The following CRYL1 variants were observed in gnomAD, a reference collection of about 807,000 sequenced individuals.
CRYL1 encodes the protein crystallin lambda 1.
In CRYL1, 29 loss-of-function variants were observed where a neutral mutation model predicts 36.6. The ratio of observed to expected loss-of-function variants is 0.79; its 90% CI spans 0.59 to 1.08. The LOEUF is 1.08. Ranked by LOEUF, CRYL1 falls within the 50% of genes least tolerant of loss-of-function variation. The pLI is 0.00. For missense variants in CRYL1, 411 were observed against 407.9 expected, an observed-to-expected ratio of 1.01 and a Z score of -0.06; for synonymous variants, 152 against 151.5, an observed-to-expected ratio of 1.00 and a Z score of -0.02.
At chr13:20,476,314 C>T (rs1195998691) in intron 3 of CRYL1, among the ~76,000 whole-genome samples, 1 of 149,578 alleles carries the variant, frequency 6.7e-6, no homozygotes, top group Non-Finnish European at 1.5e-5. Flanking sequence ...AAGATCGCGC[C>T]ACTGCACTAC....
At chr13:20,495,220 C>T (rs1032679094) in intron 2 of CRYL1, among the ~76,000 whole-genome samples, 2 of 152,156 alleles carry the variant, frequency 1.3e-5, no homozygotes, top group Non-Finnish European at 2.9e-5. Flanking sequence ...TTTTCAAATG[C>T]CACACACATA....
At chr13:20,498,309 C>A (rs1406698422) in intron 2 of CRYL1, among the ~76,000 whole-genome samples, 2 of 151,664 alleles carry the variant, frequency 1.3e-5, no homozygotes, top group Non-Finnish European at 2.9e-5. Context: ...TACACACACT[C>A]CATATACACA....
At chr13:20,522,911 CTT>C (rs386378385) in intron 1 of CRYL1, among the ~76,000 whole-genome samples, 51 of 82,946 alleles carry the variant, frequency 6.1e-4, no homozygotes, top group African/African-American at 2.2e-3. Context: ...CCCATTTCTA[CTT>C]TTTTTTTTTT....
chr13:20,412,885 C>A (rs1453052463), intron 6 of CRYL1, among the ~76,000 whole-genome samples: 2 of 152,174 alleles, frequency 1.3e-5, no homozygotes, highest in African/African-American at 4.8e-5. Context: ...AAGAGATATC[C>A]AGCAGAGGTC....
chr13:20,421,785 CATTTATTTATTT>C (rs10624463), intron 5 of CRYL1, among the ~76,000 whole-genome samples: 2 of 149,486 alleles, frequency 1.3e-5, no homozygotes, highest in Non-Finnish European at 3.0e-5. Context: ...ACAGCATTTT[CATTTATTTATTT>C]ATTTATTTAT....
At chr13:20,431,250 G>C in intron 5 of CRYL1, 1 of 985,414 alleles carries the variant, frequency 1.0e-6, no homozygotes, top group Non-Finnish European at 1.2e-6. Context: ...GTGTCCATGC[G>C]AGTCCAAACA....
chr13:20,404,090 G>T lies in CRYL1; in HGVS notation c.*39C>A. On this transcript the variant is annotated 3_prime_UTR_variant, in exon 8 of 8. Coordinates refer to ENST00000298248, the MANE Select transcript of CRYL1 (RefSeq NM_015974.3). ...AGGGCTTGCAGTGTTCCCAAATAGG[G>T]CCTCCAATGAGAGGAGTGGAAGCTG... The T allele has an allele frequency of 7.2e-7, 1 of 1,384,294 alleles. No individual in the cohort carries two copies. Among genetic ancestry groups the T allele is most frequent in the South Asian group, 1.2e-5 (1 of 86,200 alleles). The allele number at this position is 1,384,294 out of a possible 1,614,324, so 85.8% of individuals were successfully genotyped here.
chr13:20,468,755 A>G (rs2032994203), intron 3 of CRYL1, among the ~76,000 whole-genome samples: 1 of 152,128 alleles, frequency 6.6e-6, no homozygotes, highest in Admixed American at 6.5e-5. Flanking sequence ...ACAGGCATAT[A>G]CCGCCATGCC....
chr13:20,483,778 T>C lies in CRYL1; in HGVS notation c.276+5592A>G, dbSNP rs374840666. ...TTGGTCTCGAACTCCTGAGCTCAAG[T>C]AATCCACCCGCTGTGGCCTCCCCAT... On this transcript the variant is annotated intron_variant, in intron 3 of 7. Coordinates refer to ENST00000298248, the MANE Select transcript of CRYL1 (RefSeq NM_015974.3). 1.3e-3 allele frequency among the ~76,000 whole-genome samples: 200 copies of C among 152,188 alleles called. 3 individuals carry two copies. Among genetic ancestry groups the C allele is most frequent in the African/African-American group, 4.3e-3 (178 of 41,514 alleles).
intron 2 of CRYL1, among the ~76,000 whole-genome samples, chr13:20,508,880 A>AAAAAAAAC (rs2033859481): frequency 9.1e-6 from 1 of 110,230 alleles, no homozygotes; most frequent in African/African-American, 3.1e-5. Context: ...AAAAAACAAA[A>AAAAAAAAC]AAAAAAAACT....
At chr13:20,474,769 C>T (rs2033130540) in intron 3 of CRYL1, among the ~76,000 whole-genome samples, 1 of 152,154 alleles carries the variant, frequency 6.6e-6, no homozygotes, top group Non-Finnish European at 1.5e-5. Flanking sequence ...AGCCAATGAC[C>T]AGCCCAGAAA....
At chr13:20,519,708 A>C (rs976054325) in intron 1 of CRYL1, among the ~76,000 whole-genome samples, 1 of 152,180 alleles carries the variant, frequency 6.6e-6, no homozygotes, top group African/African-American at 2.4e-5. Context: ...AACGGCAAGA[A>C]AAATTTTACA....
At chr13:20,432,347 G>C in intron 4 of CRYL1, 51 bp from the exon 5 acceptor site, 3 of 1,444,500 alleles carry the variant, frequency 2.1e-6, no homozygotes, top group Non-Finnish European at 2.9e-6. Context: ...CCTGGGTTTG[G>C]GGAACTGCAC....
intron 1 of CRYL1, among the ~76,000 whole-genome samples, chr13:20,521,028 C>T (rs1378852130): frequency 1.4e-5 from 2 of 141,844 alleles, no homozygotes; most frequent in Non-Finnish European, 3.0e-5. Flanking sequence ...CCCGTGAACC[C>T]GGAGGCGGAG....
At chr13:20,480,416 G>A (rs1399262963) in intron 3 of CRYL1, among the ~76,000 whole-genome samples, 1 of 152,070 alleles carries the variant, frequency 6.6e-6, no homozygotes, top group African/African-American at 2.4e-5. Context: ...CCATTGGCAG[G>A]TGGTTGTGAA....
At chr13:20,459,712 G>A (rs936414797) in intron 3 of CRYL1, among the ~76,000 whole-genome samples, 1 of 152,154 alleles carries the variant, frequency 6.6e-6, no homozygotes, top group Non-Finnish European at 1.5e-5. Context: ...GAGGGTGGGA[G>A]GAGGGTGAGG....
rs767385716 is a variant in CRYL1, at chr13:20,404,151, T to G, written c.938A>C (p.Lys313Thr). The G allele has an allele frequency of 7.4e-6, 12 of 1,613,522 alleles. No homozygotes were observed. In the East Asian group the frequency reaches 2.7e-4, roughly 36 times the overall value. The part of the protein sequence containing the change: ...DECLMRLAKL[K>T]SQVQPQ ...AATTCACTGGGGCTGCACTTGACTC[T>G]TCAACTTGGCGAGTCTCATGAGGCA... Residue 313 changes from lysine to threonine, a missense_variant, in exon 8 of 8, where the codon AAG becomes ACG. Transcript: ENST00000298248.
intron 6 of CRYL1, among the ~76,000 whole-genome samples, chr13:20,406,322 A>G (rs1257069582): frequency 6.6e-6 from 1 of 152,198 alleles, no homozygotes; most frequent in Admixed American, 6.5e-5. Context: ...TGCTGATTTG[A>G]AAGCCTAAAA....
At chr13:20,432,842 A>AT (rs1451757113) in intron 4 of CRYL1, among the ~76,000 whole-genome samples, 1 of 151,996 alleles carries the variant, frequency 6.6e-6, no homozygotes, top group Non-Finnish European at 1.5e-5. Flanking sequence ...ACACAGCGAG[A>AT]CCCTGTTTCT....
Sources: gnomAD v4.1 joint callset for allele counts (sites outside exome capture counted in the v4.1 genomes callset) on GRCh38, gnomAD v4.1.1 for gene constraint, MANE v1.5 for transcripts, NCBI Gene and HGNC (gene_info 2026-07-23, HGNC 2026-07-21) for gene names.